Variants in KAZN observed in about 807,000 individuals in gnomAD.
KAZN encodes the protein kazrin, periplakin interacting protein.
In KAZN, 40 loss-of-function variants were observed where a neutral mutation model predicts 87.4. The observed-to-expected ratio is 0.46, with a 90% confidence interval of 0.36 to 0.60. The LOEUF is 0.60. Ranked by LOEUF, KAZN falls within the 20% of genes least tolerant of loss-of-function variation. The pLI, the probability that KAZN is intolerant of heterozygous loss-of-function variation, is 0.00. For synonymous variants in KAZN, 466 were observed against 458.3 expected (o/e 1.02, Z -0.22); for missense variants, 898 against 1,073.9 (o/e 0.84, Z 2.29).
At chr1:14,752,499 C>T (rs1052044645) in intron 1 of KAZN, among the ~76,000 whole-genome samples, 20 of 152,086 alleles carry the variant, frequency 1.3e-4, no homozygotes, top group African/African-American at 4.6e-4. Context: ...CTGGGAAGTC[C>T]AAGATCAAGA....
intron 1 of KAZN, among the ~76,000 whole-genome samples, chr1:14,078,935 C>T (rs1023769202): frequency 6.6e-6 from 1 of 152,226 alleles, no homozygotes; most frequent in Non-Finnish European, 1.5e-5. Context: ...ATCCGCCCAC[C>T]TCAGCCTCCC....
chr1:14,449,337 C>G (rs973431519), intron 2 of KAZN, among the ~76,000 whole-genome samples: 1 of 152,200 alleles, frequency 6.6e-6, no homozygotes, highest in Non-Finnish European at 1.5e-5. Context: ...GCCTTATCCA[C>G]CTCTACCACT....
intron 2 of KAZN, among the ~76,000 whole-genome samples, chr1:14,574,480 T>C (rs1675059517): frequency 6.6e-6 from 1 of 152,124 alleles, no homozygotes; most frequent in Admixed American, 6.5e-5. Context: ...TCTCACAAGA[T>C]CTGATGGTTT....
At chr1:14,514,184 G>A (rs1671077282) in intron 2 of KAZN, among the ~76,000 whole-genome samples, 1 of 144,490 alleles carries the variant, frequency 6.9e-6, no homozygotes, top group South Asian at 2.3e-4. Flanking sequence ...AATTAGCCAG[G>A]TGTGGTGGCA....
intron 2 of KAZN, among the ~76,000 whole-genome samples, chr1:14,190,391 G>A (rs776198314): frequency 6.6e-6 from 1 of 152,100 alleles, no homozygotes. Context: ...CTATTTTACA[G>A]GTGAGGAAAC....
chr1:14,470,454 C>G (rs1668394039), intron 2 of KAZN, among the ~76,000 whole-genome samples: 1 of 152,174 alleles, frequency 6.6e-6, no homozygotes. Flanking sequence ...AAAGGTTATG[C>G]CAAATCCACC....
At chr1:14,974,012 C>G (rs1211605376) in intron 2 of KAZN, among the ~76,000 whole-genome samples, 1 of 151,954 alleles carries the variant, frequency 6.6e-6, no homozygotes, top group Non-Finnish European at 1.5e-5. Flanking sequence ...CCATGCTATT[C>G]CTCTGGACGA....
Position 14,837,260 on chromosome 1 carries a change from G to C in KAZN, c.227-123424G>C, listed in dbSNP as rs983765600. Among the ~76,000 whole-genome samples, 6 of 152,210 alleles carry C rather than the reference G, an allele frequency of 3.9e-5. No homozygotes were observed. The East Asian group carries it at 1.2e-3, about 29-fold the overall frequency. On this transcript the variant is annotated intron_variant, in intron 1 of 14. Transcript: ENST00000376030. ...GTTGCCCAGGCTGGAGTGCAATAGT[G>C]CGGTCTTGGCTCACCGCAACCTCCG...
At chr1:14,412,873 T>G (rs1005562811) in intron 2 of KAZN, among the ~76,000 whole-genome samples, 4 of 150,956 alleles carry the variant, frequency 2.6e-5, no homozygotes, top group African/African-American at 9.7e-5. Flanking sequence ...ATTGTAGTCA[T>G]GAAGACACTG....
chr1:14,640,381 C>T (rs1239302063), intron 1 of KAZN, among the ~76,000 whole-genome samples: 2 of 152,150 alleles, frequency 1.3e-5, no homozygotes, highest in Admixed American at 6.5e-5. Context: ...GGGCCTCTAA[C>T]ATGTTCCTGT....
At chr1:14,721,508 A>G (rs188246470) in intron 1 of KAZN, among the ~76,000 whole-genome samples, 27 of 152,364 alleles carry the variant, frequency 1.8e-4, no homozygotes, top group African/African-American at 6.0e-4. Flanking sequence ...AGACCTGTGC[A>G]ACTGTGAAAC....
intron 2 of KAZN, among the ~76,000 whole-genome samples, chr1:14,459,271 G>GTGTT (rs1183440668): frequency 2.0e-4 from 31 of 152,086 alleles, no homozygotes; most frequent in African/African-American, 7.2e-4. Flanking sequence ...GTGTGTGTGT[G>GTGTT]TGTGTGTGTG....
intron 2 of KAZN, among the ~76,000 whole-genome samples, chr1:14,292,235 T>C (rs1383275124): frequency 6.6e-6 from 1 of 152,264 alleles, no homozygotes; most frequent in Non-Finnish European, 1.5e-5. Context: ...AAGCAATATG[T>C]GTGCTTCACC....
At chr1:14,395,011 A>C (rs1662775707) in intron 2 of KAZN, among the ~76,000 whole-genome samples, 1 of 152,102 alleles carries the variant, frequency 6.6e-6, no homozygotes, top group Non-Finnish European at 1.5e-5. Context: ...TGCCTAACTC[A>C]CCTCTGCTTC....
At chr1:14,959,440 G>A (rs1401625849) in intron 1 of KAZN, among the ~76,000 whole-genome samples, 2 of 152,114 alleles carry the variant, frequency 1.3e-5, no homozygotes, top group Non-Finnish European at 1.5e-5. Context: ...GGGAGAGGAT[G>A]TAGGCAGAGG....
intron 1 of KAZN, among the ~76,000 whole-genome samples, chr1:14,737,879 C>A (rs75600268): frequency 0.044 from 6,666 of 152,242 alleles, 157 homozygotes; most frequent in South Asian, 0.083. Context: ...AGGGCCCCGG[C>A]TCTTTTAAGG....
intron 2 of KAZN, among the ~76,000 whole-genome samples, chr1:14,445,836 C>A (rs1666955027): frequency 6.6e-6 from 1 of 152,118 alleles, no homozygotes; most frequent in Non-Finnish European, 1.5e-5. Context: ...GTCTCTAGCG[C>A]AGGCTCCCAG....
At chr1:14,937,830 G>T (rs189140445) in intron 1 of KAZN, among the ~76,000 whole-genome samples, 1 of 152,240 alleles carries the variant, frequency 6.6e-6, no homozygotes, top group South Asian at 2.1e-4. Context: ...CCTGAAAGGC[G>T]CTGATTGCTC....
chr1:14,779,995 T>C (rs2100639523), intron 1 of KAZN, among the ~76,000 whole-genome samples: 1 of 152,340 alleles, frequency 6.6e-6, no homozygotes, highest in Middle Eastern at 3.4e-3. Flanking sequence ...TCAGGCTCAC[T>C]GCTAAGTGCT....
Sources: allele counts gnomAD v4.1 joint callset (sites outside exome capture counted in the v4.1 genomes callset), GRCh38; gene constraint gnomAD v4.1.1; transcripts MANE v1.5; gene names NCBI Gene and HGNC (gene_info 2026-07-23, HGNC 2026-07-21).